KAZN: variants seen among roughly 807,000 people sequenced by gnomAD.
KAZN encodes kazrin, periplakin interacting protein, also known as kazrin.
In KAZN, 40 loss-of-function variants were observed where a neutral mutation model predicts 87.4. The ratio of observed to expected loss-of-function variants is 0.46; its 90% CI spans 0.36 to 0.60. The LOEUF is 0.60. Among genes scored for constraint, KAZN ranks in the 20% least tolerant of loss-of-function variants. KAZN has a pLI of 0.00. For synonymous variants in KAZN, 466 were observed against 458.3 expected (o/e 1.02, Z -0.22); for missense variants, 898 against 1,073.9 (o/e 0.84, Z 2.29).
chr1:14,298,118 G>A (rs1342285579), intron 2 of KAZN, among the ~76,000 whole-genome samples: 1 of 152,096 alleles, frequency 6.6e-6, no homozygotes, highest in Non-Finnish European at 1.5e-5. Context: ...CCAACTACTT[G>A]GGGGGCTGAG....
chr1:14,450,912 G>C lies in KAZN; in HGVS notation c.250-148071G>C, dbSNP rs546140561. 3.9e-5 allele frequency among the ~76,000 whole-genome samples: 6 copies of C among 152,132 alleles called. No individual in the cohort carries two copies. In the South Asian group the frequency reaches 1.0e-3, roughly 26 times the overall value. On this transcript the variant is annotated intron_variant, in intron 2 of 16. Transcript: ENST00000636203. Reference sequence around the variant, plus strand: ...GGTCGTCCTAGGTTTCTGATGAATGGTTTAGTGTCATCCTCTCGGTGCTGT... The same window carrying C: ...GGTCGTCCTAGGTTTCTGATGAATGCTTTAGTGTCATCCTCTCGGTGCTGT...
At chr1:14,416,505 G>A (rs1383184462) in intron 2 of KAZN, among the ~76,000 whole-genome samples, 1 of 152,190 alleles carries the variant, frequency 6.6e-6, no homozygotes, top group African/African-American at 2.4e-5. Flanking sequence ...GATAGGCCAA[G>A]GCAGGCAGAT....
intron 1 of KAZN, among the ~76,000 whole-genome samples, chr1:14,922,724 G>A (rs536838896): frequency 6.0e-5 from 9 of 150,514 alleles, no homozygotes; most frequent in Non-Finnish European, 1.2e-4. Flanking sequence ...CCCGGGAGGC[G>A]GAAGTTGCAG....
At chr1:14,062,656 A>G (rs576020451) in intron 1 of KAZN, among the ~76,000 whole-genome samples, 1 of 152,286 alleles carries the variant, frequency 6.6e-6, no homozygotes, top group South Asian at 2.1e-4. Context: ...AACAAAGTAG[A>G]TACAACCTCT....
intron 2 of KAZN, among the ~76,000 whole-genome samples, chr1:15,032,720 A>T (rs895310909): frequency 6.6e-6 from 1 of 151,894 alleles, no homozygotes; most frequent in Admixed American, 6.6e-5. Context: ...AAGCTGAGGC[A>T]GGCAGATGAC....
intron 2 of KAZN, among the ~76,000 whole-genome samples, chr1:14,482,554 A>T (rs1473891965): frequency 1.3e-5 from 2 of 152,240 alleles, no homozygotes; most frequent in Non-Finnish European, 2.9e-5. Flanking sequence ...TATGTGTTCA[A>T]TAAAACATTA....
At chr1:14,275,818 C>T (rs1428974231) in intron 2 of KAZN, among the ~76,000 whole-genome samples, 3 of 152,104 alleles carry the variant, frequency 2.0e-5, no homozygotes, top group Non-Finnish European at 4.4e-5. Context: ...TGCTTTCCAG[C>T]CTTTTTTACA....
At chr1:14,007,552 A>G (rs116563623) in intron 1 of KAZN, among the ~76,000 whole-genome samples, 3,680 of 152,322 alleles carry the variant, frequency 0.024, 156 homozygotes, top group African/African-American at 0.085. Context: ...TGTAAAGAGC[A>G]AAACACTATC....
chr1:14,250,509 CAG>C (rs564643103), intron 2 of KAZN, among the ~76,000 whole-genome samples: 35 of 151,150 alleles, frequency 2.3e-4, no homozygotes, highest in Admixed American at 1.3e-3. Context: ...GGAAAAGAAA[CAG>C]AGATCTAAGG....
At chr1:14,282,900 C>G (rs781669308) in intron 2 of KAZN, among the ~76,000 whole-genome samples, 1 of 152,094 alleles carries the variant, frequency 6.6e-6, no homozygotes, top group African/African-American at 2.4e-5. Context: ...GGGAAAGAAA[C>G]GAGAGAGGAT....
chr1:15,111,296 T>TTG (rs1223754710), intron 13 of KAZN, among the ~76,000 whole-genome samples: 1 of 152,164 alleles, frequency 6.6e-6, no homozygotes, highest in Non-Finnish European at 1.5e-5. Flanking sequence ...GTTGTTGTTG[T>TTG]TTTAAACAGA....
intron 2 of KAZN, among the ~76,000 whole-genome samples, chr1:14,570,239 T>G (rs1674782926): frequency 6.6e-6 from 1 of 152,254 alleles, no homozygotes; most frequent in Non-Finnish European, 1.5e-5. Flanking sequence ...TTGTGTTGCT[T>G]TTTAACAGCT....
chr1:14,502,627 T>C (rs186431669), intron 2 of KAZN, among the ~76,000 whole-genome samples: 6 of 152,312 alleles, frequency 3.9e-5, no homozygotes, highest in African/African-American at 1.2e-4. Context: ...TTACTTTTTA[T>C]GCTTCCTCTA....
chr1:13,898,022 T>C (rs1639108778), intron 1 of KAZN, among the ~76,000 whole-genome samples: 1 of 152,230 alleles, frequency 6.6e-6, no homozygotes, highest in Admixed American at 6.5e-5. Flanking sequence ...AGGCTGCCGC[T>C]GTCCATTCGT....
chr1:14,833,577 C>A (rs74650984), intron 1 of KAZN, among the ~76,000 whole-genome samples: 7 of 152,206 alleles, frequency 4.6e-5, no homozygotes, highest in Admixed American at 1.3e-4. Flanking sequence ...CTCTACCCCC[C>A]CCAGGCCCTC....
chr1:14,831,662 C>A (rs1647051947), intron 1 of KAZN, among the ~76,000 whole-genome samples: 1 of 151,950 alleles, frequency 6.6e-6, no homozygotes, highest in Admixed American at 6.6e-5. Context: ...CGAGGTTTTA[C>A]AAAAATATGA....
intron 1 of KAZN, among the ~76,000 whole-genome samples, chr1:13,914,874 G>C (rs1234753900): frequency 6.6e-6 from 1 of 152,174 alleles, no homozygotes; most frequent in Admixed American, 6.5e-5. Flanking sequence ...GTCTGAGTGA[G>C]CTTGGAAGCA....
At chr1:14,814,609 A>C (rs2100799370) in intron 1 of KAZN, among the ~76,000 whole-genome samples, 1 of 152,312 alleles carries the variant, frequency 6.6e-6, no homozygotes, top group Non-Finnish European at 1.5e-5. Flanking sequence ...AAAGATGAGA[A>C]TCCTTTGAAA....
intron 1 of KAZN, among the ~76,000 whole-genome samples, chr1:14,072,962 C>G (rs1557452156): frequency 6.6e-6 from 1 of 152,002 alleles, no homozygotes. Context: ...TCTGCTGATC[C>G]CACTGATGGG....
Sources: allele counts gnomAD v4.1 joint callset (sites outside exome capture counted in the v4.1 genomes callset), GRCh38; gene constraint gnomAD v4.1.1; transcripts MANE v1.5; gene names NCBI Gene and HGNC (gene_info 2026-07-23, HGNC 2026-07-21).